TNNI3K: variants seen among roughly 807,000 people sequenced by gnomAD.
The protein encoded by TNNI3K is TNNI3 interacting kinase.
TNNI3K carries 140 observed loss-of-function variants against 114.5 expected under a neutral mutation model. The ratio of observed to expected loss-of-function variants is 1.22; its 90% confidence interval spans 1.07 to 1.41. The LOEUF (loss-of-function observed/expected upper bound fraction) is 1.41. Ranked by LOEUF, TNNI3K falls within the 40% of genes most tolerant of loss-of-function variation. The probability of loss-of-function intolerance (pLI) is 0.00; values close to 1 mark genes in which losing one functional copy is unlikely to be tolerated. For missense variants in TNNI3K, 1,125 were observed against 1,007.6 expected (o/e 1.12, Z -1.58); for synonymous variants, 347 against 347.5 (o/e 1.00, Z 0.02).
chr1:74,502,352 A>G (rs781155964), intron 23 of TNNI3K, among the ~76,000 whole-genome samples: 7 of 152,176 alleles, frequency 4.6e-5, no homozygotes, highest in South Asian at 2.1e-4. Flanking sequence ...ACATGATGCC[A>G]TTGAATTCAA....
At position 74,270,252 on chromosome 1, in the gene TNNI3K, C is replaced by T. The variant is rs1358561695; in HGVS notation, c.334-1346C>T. Among the ~76,000 whole-genome samples the T allele has an allele frequency of 3.3e-5, 5 of 151,584 alleles. No homozygotes were observed. In the East Asian group the frequency reaches 5.9e-4, roughly 18 times the overall value. ...AGATTTATGTGGAACTTGGGTATAC[C>T]TACCTAAAGATTGCTAAAGAAATGA... On this transcript the variant is annotated intron_variant, in intron 4 of 24. Transcript: ENST00000326637.
intron 7 of TNNI3K, among the ~76,000 whole-genome samples, chr1:74,336,764 G>A (rs1197691691): frequency 6.6e-6 from 1 of 150,888 alleles, no homozygotes; most frequent in Non-Finnish European, 1.5e-5. Context: ...TGGACATTTG[G>A]GTTGGTTCCA....
intron 17 of TNNI3K, among the ~76,000 whole-genome samples, chr1:74,408,358 C>T (rs1044668014): frequency 2.0e-5 from 3 of 152,144 alleles, no homozygotes; most frequent in Non-Finnish European, 2.9e-5. Context: ...CTTTTGTGCA[C>T]TCTTGCTTTC....
At chr1:74,442,025 C>T (rs1360586082) in intron 20 of TNNI3K, among the ~76,000 whole-genome samples, 3 of 151,722 alleles carry the variant, frequency 2.0e-5, no homozygotes, top group Non-Finnish European at 4.4e-5. Context: ...ATATTTTTGC[C>T]TTACTCAAAG....
At chr1:74,451,935 G>A (rs1424449945) in intron 20 of TNNI3K, among the ~76,000 whole-genome samples, 1 of 151,648 alleles carries the variant, frequency 6.6e-6, no homozygotes, top group South Asian at 2.1e-4. Context: ...GTTTTTGACT[G>A]TTCTTTCTTG....
intron 17 of TNNI3K, chr1:74,418,486 C>T (rs1665239232): frequency 6.5e-6 from 1 of 154,512 alleles, no homozygotes; most frequent in South Asian, 1.9e-4. Flanking sequence ...TGAGGTGATA[C>T]TGGATTTCAA....
intron 5 of TNNI3K, among the ~76,000 whole-genome samples, chr1:74,280,424 A>G (rs1570411694): frequency 6.6e-6 from 1 of 152,104 alleles, no homozygotes; most frequent in East Asian, 1.9e-4. Context: ...GAAGCACTGA[A>G]GAGGGTGGGA....
intron 4 of TNNI3K, among the ~76,000 whole-genome samples, chr1:74,256,517 C>CAA (rs770037946): frequency 4.2e-4 from 64 of 151,870 alleles, no homozygotes; most frequent in Non-Finnish European, 8.2e-4. Context: ...TATTCTAATA[C>CAA]AATTCTTTTC....
At chr1:74,279,910 C>T (rs951019871) in intron 5 of TNNI3K, among the ~76,000 whole-genome samples, 6 of 152,030 alleles carry the variant, frequency 3.9e-5, no homozygotes, top group African/African-American at 1.4e-4. Context: ...ATAAATAACC[C>T]AATTGAAAAA....
chr1:74,300,340 A>C (rs925656859), intron 5 of TNNI3K, among the ~76,000 whole-genome samples: 3 of 152,214 alleles, frequency 2.0e-5, no homozygotes, highest in Non-Finnish European at 4.4e-5. Context: ...TATTTAAGTC[A>C]TTGTATCAGA....
chr1:74,402,583 A>G (rs1231573421), intron 17 of TNNI3K, among the ~76,000 whole-genome samples: 3 of 152,254 alleles, frequency 2.0e-5, no homozygotes, highest in Non-Finnish European at 4.4e-5. Context: ...ATGTAGATTC[A>G]TAGACAATTT....
chr1:74,301,161 A>T (rs971122000), intron 5 of TNNI3K, among the ~76,000 whole-genome samples: 3 of 152,152 alleles, frequency 2.0e-5, no homozygotes, highest in Non-Finnish European at 4.4e-5. Context: ...GCACTTTGGG[A>T]GGCTGAGACG....
At chr1:74,344,217 G>A (rs755956587) in intron 9 of TNNI3K, among the ~76,000 whole-genome samples, 7 of 152,134 alleles carry the variant, frequency 4.6e-5, no homozygotes, top group Non-Finnish European at 1.0e-4. Flanking sequence ...AGTCAAACAA[G>A]GGTGAAGTAA....
At chr1:74,541,214 C>T (rs1646723062) in intron 24 of TNNI3K, among the ~76,000 whole-genome samples, 1 of 152,126 alleles carries the variant, frequency 6.6e-6, no homozygotes, top group Non-Finnish European at 1.5e-5. Flanking sequence ...ACCTGGGAGA[C>T]CCTCGGCTTT....
chr1:74,318,140 G>T (rs1288388618), intron 5 of TNNI3K, among the ~76,000 whole-genome samples: 1 of 152,132 alleles, frequency 6.6e-6, no homozygotes, highest in Non-Finnish European at 1.5e-5. Flanking sequence ...AGGAACTATT[G>T]TCCTTCATTG....
intron 5 of TNNI3K, among the ~76,000 whole-genome samples, chr1:74,284,533 A>G (rs556313324): frequency 5.3e-5 from 8 of 152,324 alleles, no homozygotes; most frequent in East Asian, 3.9e-4. Context: ...AAAACCTGCA[A>G]TTACTTTTGC....
chr1:74,322,867 G>T (rs1030298651), intron 5 of TNNI3K, among the ~76,000 whole-genome samples: 2 of 152,008 alleles, frequency 1.3e-5, no homozygotes, highest in Non-Finnish European at 2.9e-5. Flanking sequence ...ACTTACTGCA[G>T]GATGTTACTC....
At chr1:74,483,690 C>A (rs780406608) in intron 21 of TNNI3K, among the ~76,000 whole-genome samples, 3 of 152,104 alleles carry the variant, frequency 2.0e-5, no homozygotes, top group Non-Finnish European at 4.4e-5. Flanking sequence ...TTACTTAGTT[C>A]TTTTAATTCT....
chr1:74,409,770 A>G (rs1048208595), intron 17 of TNNI3K, among the ~76,000 whole-genome samples: 4 of 152,156 alleles, frequency 2.6e-5, no homozygotes, highest in Non-Finnish European at 5.9e-5. Flanking sequence ...CAGGGATTAC[A>G]GGCGTGAGCC....
Sources: gnomAD v4.1 joint callset for allele counts (sites outside exome capture counted in the v4.1 genomes callset) on GRCh38, gnomAD v4.1.1 for gene constraint, MANE v1.5 for transcripts, NCBI Gene and HGNC (gene_info 2026-07-23, HGNC 2026-07-21) for gene names.